NPAS3: variants seen among roughly 807,000 people sequenced by gnomAD.
The protein encoded by NPAS3 is neuronal PAS domain protein 3, also known as neuronal PAS domain-containing protein 3.
In NPAS3, 14 loss-of-function variants were observed where a neutral mutation model predicts 73.1. The observed-to-expected ratio is 0.19, with a 90% CI of 0.13 to 0.30. The LOEUF is 0.30. Among genes scored for constraint, NPAS3 ranks in the 10% least tolerant of loss-of-function variants. NPAS3 has a pLI of 1.00. For synonymous variants in NPAS3, 620 were observed against 541.5 expected (o/e 1.14, Z -2.01); for missense variants, 1,096 against 1,250.0 (o/e 0.88, Z 1.86).
intron 2 of NPAS3, among the ~76,000 whole-genome samples, chr14:33,115,778 G>T (rs1290870007): frequency 6.6e-6 from 1 of 152,016 alleles, no homozygotes; most frequent in Non-Finnish European, 1.5e-5. Context: ...CATGTACAGT[G>T]GTTTATAAGA....
At chr14:33,263,325 G>A (rs527919599) in intron 3 of NPAS3, among the ~76,000 whole-genome samples, 1 of 152,278 alleles carries the variant, frequency 6.6e-6, no homozygotes, top group Admixed American at 6.5e-5. Context: ...TCCAGTTTCA[G>A]CTTTCTACGT....
chr14:33,340,880 T>G (rs991790453), intron 3 of NPAS3, among the ~76,000 whole-genome samples: 5 of 152,196 alleles, frequency 3.3e-5, no homozygotes, highest in African/African-American at 1.2e-4. Context: ...TGATCTTACG[T>G]AAAAATTATT....
intron 2 of NPAS3, among the ~76,000 whole-genome samples, chr14:33,074,744 A>G (rs2041602959): frequency 6.6e-6 from 1 of 152,288 alleles, no homozygotes; most frequent in East Asian, 1.9e-4. Context: ...GGCAGATCCC[A>G]TCGCTACATG....
chr14:33,091,210 T>C (rs2042212812), intron 2 of NPAS3, among the ~76,000 whole-genome samples: 2 of 152,080 alleles, frequency 1.3e-5, no homozygotes, highest in African/African-American at 4.8e-5. Context: ...AGCTGGTTTT[T>C]TGAAAAGATC....
chr14:33,138,529 C>G (rs1398558815), intron 2 of NPAS3, among the ~76,000 whole-genome samples: 1 of 152,076 alleles, frequency 6.6e-6, no homozygotes, highest in Non-Finnish European at 1.5e-5. Flanking sequence ...TACATCCATG[C>G]CCCAGCATCA....
intron 3 of NPAS3, among the ~76,000 whole-genome samples, chr14:33,279,622 C>G (rs1482361990): frequency 6.6e-6 from 1 of 152,122 alleles, no homozygotes; most frequent in Non-Finnish European, 1.5e-5. Context: ...ACAAGATCTT[C>G]AGGTGATTCC....
chr14:33,508,817 A>G (rs947987836), intron 4 of NPAS3, among the ~76,000 whole-genome samples: 2 of 152,052 alleles, frequency 1.3e-5, no homozygotes, highest in Non-Finnish European at 2.9e-5. Context: ...ATTCACATCT[A>G]GATGGGGTCA....
chr14:33,774,721 T>G (rs2062759000), intron 8 of NPAS3, among the ~76,000 whole-genome samples, 191 bp downstream of exon 8: 1 of 152,154 alleles, frequency 6.6e-6, no homozygotes, highest in Admixed American at 6.5e-5. Context: ...TGATTTACGT[T>G]AGGGACAACA....
intron 2 of NPAS3, among the ~76,000 whole-genome samples, chr14:33,149,960 G>T (rs1007314642): frequency 6.6e-6 from 1 of 152,108 alleles, no homozygotes; most frequent in Non-Finnish European, 1.5e-5. Flanking sequence ...ACAGGCCCCA[G>T]TGTGTGGTGT....
At chr14:33,687,303 T>C (rs952847907) in intron 6 of NPAS3, among the ~76,000 whole-genome samples, 1 of 152,220 alleles carries the variant, frequency 6.6e-6, no homozygotes, top group Non-Finnish European at 1.5e-5. Flanking sequence ...GCTATTAATA[T>C]GTAAATATGC....
intron 2 of NPAS3, among the ~76,000 whole-genome samples, chr14:33,146,096 C>T (rs189696574): frequency 6.6e-6 from 1 of 152,110 alleles, no homozygotes; most frequent in East Asian, 1.9e-4. Flanking sequence ...TAGATTATGC[C>T]TCTCAAAAAA....
intron 4 of NPAS3, among the ~76,000 whole-genome samples, chr14:33,519,334 C>A (rs534107866): frequency 9.2e-5 from 14 of 152,198 alleles, no homozygotes; most frequent in African/African-American, 2.9e-4. Context: ...CTTCTCGTGC[C>A]CAGCTTCCCC....
chr14:33,764,110 A>C (rs760776063), intron 7 of NPAS3, among the ~76,000 whole-genome samples: 62 of 152,226 alleles, frequency 4.1e-4, no homozygotes, highest in Non-Finnish European at 7.3e-4. Flanking sequence ...TTATCAAAAT[A>C]TAATCATTTA....
chr14:33,734,681 T>G (rs1472193629), intron 6 of NPAS3, among the ~76,000 whole-genome samples: 1 of 152,132 alleles, frequency 6.6e-6, no homozygotes, highest in Non-Finnish European at 1.5e-5. Flanking sequence ...TTACTCCCCA[T>G]GATGAAGAAA....
chr14:33,092,895 C>G (rs1456394870), intron 2 of NPAS3, among the ~76,000 whole-genome samples: 2 of 152,154 alleles, frequency 1.3e-5, no homozygotes, highest in African/African-American at 2.4e-5. Flanking sequence ...ATAAATGGTG[C>G]TGGGAAAACT....
Position 33,308,527 on chromosome 14 carries a change from T to TATATATATATATATATACAC in NPAS3, c.386-58658_386-58657insTATATATATATATATACACA. Among the ~76,000 whole-genome samples, 33 of 103,720 alleles carry TATATATATATATATATACAC rather than the reference T, an allele frequency of 3.2e-4. 1 individual carries two copies. The highest frequency in any genetic ancestry group is 3.2e-4 in the African/African-American group (7 of 21,602). 68.0% of individuals were successfully genotyped at this position (103,720 alleles called of 152,430 possible). ...TGCATAGTTTATATATATATATATA[T>TATATATATATATATATACAC]ACATACACACACACACACACACACA... On this transcript the variant is annotated intron_variant, in intron 3 of 11. Transcript: ENST00000356141.
intron 1 of NPAS3, among the ~76,000 whole-genome samples, chr14:33,039,817 C>T (rs1033435030): frequency 1.3e-5 from 2 of 152,162 alleles, no homozygotes; most frequent in Non-Finnish European, 2.9e-5. Context: ...CACACAGGGG[C>T]CTGGGGTCTG....
chr14:33,093,290 C>T (rs1464530186), intron 2 of NPAS3, among the ~76,000 whole-genome samples: 2 of 152,022 alleles, frequency 1.3e-5, no homozygotes, highest in Non-Finnish European at 1.5e-5. Context: ...ACAAACAACC[C>T]TATCAAAAAG....
chr14:32,991,485 G>A (rs921499390), intron 1 of NPAS3, among the ~76,000 whole-genome samples: 4 of 152,040 alleles, frequency 2.6e-5, no homozygotes, highest in Non-Finnish European at 4.4e-5. Flanking sequence ...GTGGTCTCCT[G>A]GATCTCTCAT....
Sources: allele counts gnomAD v4.1 joint callset (sites outside exome capture counted in the v4.1 genomes callset), GRCh38; gene constraint gnomAD v4.1.1; transcripts MANE v1.5; gene names NCBI Gene and HGNC (gene_info 2026-07-23, HGNC 2026-07-21).